KALRN: variants seen among roughly 807,000 people sequenced by gnomAD.
The protein encoded by KALRN is kalirin RhoGEF kinase, also known as kalirin.
A neutral mutation model predicts 353.7 loss-of-function variants in KALRN; 70 were observed. The ratio of observed to expected loss-of-function variants is 0.20; its 90% CI spans 0.16 to 0.24. The LOEUF (loss-of-function observed/expected upper bound fraction) is 0.24. KALRN is among the 10% of genes least tolerant of loss of function. The pLI is 1.00. For synonymous variants in KALRN, 1,391 were observed against 1,434.8 expected (o/e 0.97, Z 0.69); for missense variants, 2,791 against 3,756.7 (o/e 0.74, Z 6.72).
intron 3 of KALRN, among the ~76,000 whole-genome samples, chr3:124,236,609 T>C (rs977979406): frequency 6.6e-5 from 10 of 152,210 alleles, no homozygotes; most frequent in Admixed American, 6.5e-5. Context: ...CTGCAGCTAA[T>C]TGATGCTCAT....
intron 35 of KALRN, among the ~76,000 whole-genome samples, chr3:124,633,072 C>T (rs912198213): frequency 6.6e-6 from 1 of 152,166 alleles, no homozygotes; most frequent in African/African-American, 2.4e-5. Flanking sequence ...CAGGACTGTG[C>T]TGGGAGATTG....
At chr3:124,113,413 G>A (rs1053745744) in intron 1 of KALRN, among the ~76,000 whole-genome samples, 3 of 152,206 alleles carry the variant, frequency 2.0e-5, no homozygotes, top group African/African-American at 7.2e-5. Flanking sequence ...TGAAGGCTTA[G>A]GAAGGCAGGT....
chr3:124,433,280 T>C (rs1236875147), intron 16 of KALRN, among the ~76,000 whole-genome samples: 4 of 151,132 alleles, frequency 2.6e-5, no homozygotes, highest in Non-Finnish European at 5.9e-5. Flanking sequence ...AGTTAATAAA[T>C]AAAAAGGATT....
At chr3:124,145,278 AC>A (rs1175305914) in intron 1 of KALRN, among the ~76,000 whole-genome samples, 2 of 152,148 alleles carry the variant, frequency 1.3e-5, no homozygotes, top group Non-Finnish European at 2.9e-5. Flanking sequence ...TCTGCTACGT[AC>A]CTGTGTGGAT....
intron 25 of KALRN, among the ~76,000 whole-genome samples, chr3:124,464,663 C>CA (rs1210648138): frequency 6.6e-6 from 1 of 152,006 alleles, no homozygotes. Context: ...GAAGATGCCA[C>CA]AAAAATTAAG....
At chr3:124,094,568 C>T (rs1292020101) in intron 1 of KALRN, 11 of 518,984 alleles carry the variant, frequency 2.1e-5, no homozygotes, top group Non-Finnish European at 3.5e-5. Flanking sequence ...CTGACTCCCT[C>T]CCACGCATCT....
chr3:124,491,584 A>G (rs1254927053), intron 31 of KALRN, 160 bp downstream of exon 31: 12 of 472,228 alleles, frequency 2.5e-5, no homozygotes, highest in Middle Eastern at 4.5e-4. Flanking sequence ...AAATTCTATC[A>G]TGAAAGTAGA....
intron 3 of KALRN, among the ~76,000 whole-genome samples, chr3:124,254,346 C>G (rs2071596897): frequency 6.7e-6 from 1 of 149,048 alleles, no homozygotes; most frequent in Non-Finnish European, 1.5e-5. Flanking sequence ...TTTCTACCCT[C>G]AGTTCTAACA....
At position 124,724,710 on chromosome 3, in the gene KALRN, G is replaced by A. The variant is rs541113721; in HGVS notation, c.*5240G>A. The A allele has an allele frequency of 1.4e-4, 22 of 152,300 alleles. No individual in the cohort carries two copies. Among genetic ancestry groups the A allele is most frequent in the African/African-American group, 5.1e-4 (21 of 41,574 alleles). 9.4% of individuals were successfully genotyped at this position (152,300 alleles called of 1,614,324 possible). On this transcript the variant is annotated 3_prime_UTR_variant, in exon 60 of 60. Transcript: ENST00000682506. ...ACTCACATAAAAAATTTAAGCAGAA[G>A]TAGTAGAATACAGATTATCATAAAA...
At chr3:124,521,279 C>T (rs1278587575) in intron 33 of KALRN, among the ~76,000 whole-genome samples, 1 of 152,204 alleles carries the variant, frequency 6.6e-6, no homozygotes, top group African/African-American at 2.4e-5. Context: ...GGTGAGTAAA[C>T]AGTCCCTGTT....
chr3:124,678,098 C>T, intron 49 of KALRN, 92 bp from the exon 50 acceptor site: 13 of 1,386,696 alleles, frequency 9.4e-6, no homozygotes, highest in Middle Eastern at 2.6e-4. Flanking sequence ...TGGAGCACCT[C>T]ACCTGCTGAC....
intron 32 of KALRN, among the ~76,000 whole-genome samples, chr3:124,493,090 GATAAACAC>G (rs2108477717): frequency 6.6e-6 from 1 of 152,308 alleles, no homozygotes; most frequent in East Asian, 1.9e-4. Flanking sequence ...CCTCTTATAT[GATAAACAC>G]TCTGCTAGGT....
At chr3:124,215,958 G>A (rs576512564) in intron 1 of KALRN, among the ~76,000 whole-genome samples, 1 of 152,168 alleles carries the variant, frequency 6.6e-6, no homozygotes, top group Non-Finnish European at 1.5e-5. Context: ...ATGAATCGAG[G>A]AAGGGCCTGG....
intron 9 of KALRN, among the ~76,000 whole-genome samples, chr3:124,343,173 A>G (rs1233894051): frequency 6.6e-6 from 1 of 152,172 alleles, no homozygotes; most frequent in Admixed American, 6.5e-5. Flanking sequence ...ATATATACAC[A>G]TATATTTGAG....
intron 37 of KALRN, among the ~76,000 whole-genome samples, chr3:124,642,939 C>T (rs2149999844): frequency 6.6e-6 from 1 of 151,740 alleles, no homozygotes; most frequent in East Asian, 1.9e-4. Context: ...GCCTCAGCCA[C>T]CTGAGTAGCT....
chr3:124,428,359 G>C (rs2093121309), intron 15 of KALRN, among the ~76,000 whole-genome samples: 1 of 152,100 alleles, frequency 6.6e-6, no homozygotes, highest in Admixed American at 6.5e-5. Flanking sequence ...ATCACCACCA[G>C]TACCATCATA....
chr3:124,348,691 G>A (rs2082527220), intron 10 of KALRN, among the ~76,000 whole-genome samples: 1 of 152,150 alleles, frequency 6.6e-6, no homozygotes, highest in Non-Finnish European at 1.5e-5. Flanking sequence ...ACTTCAGGCT[G>A]TCTCCCTAAC....
At chr3:124,670,708 G>A (rs998370647) in intron 47 of KALRN, among the ~76,000 whole-genome samples, 2 of 152,062 alleles carry the variant, frequency 1.3e-5, no homozygotes, top group Admixed American at 6.5e-5. Flanking sequence ...TGACATAATC[G>A]GCCAACCTTT....
intron 21 of KALRN, among the ~76,000 whole-genome samples, chr3:124,453,650 A>C (rs2059017953): frequency 6.6e-6 from 1 of 152,218 alleles, no homozygotes; most frequent in African/African-American, 2.4e-5. Flanking sequence ...CCTCCAGTCC[A>C]AAAGATAATT....
Sources: allele counts gnomAD v4.1 joint callset (sites outside exome capture counted in the v4.1 genomes callset), GRCh38; gene constraint gnomAD v4.1.1; transcripts MANE v1.5; gene names NCBI Gene and HGNC (gene_info 2026-07-23, HGNC 2026-07-21).